NXPH2: variants seen among roughly 807,000 people sequenced by gnomAD.
NXPH2 encodes neurexophilin-2.
A neutral mutation model predicts 19.8 loss-of-function variants in NXPH2; 5 were observed. The observed-to-expected ratio is 0.25, with a 90% CI of 0.13 to 0.53. The LOEUF (loss-of-function observed/expected upper bound fraction) is 0.53. Ranked by LOEUF, NXPH2 falls within the 20% of genes least tolerant of loss-of-function variation. NXPH2 has a pLI of 0.96. For synonymous variants in NXPH2, 154 were observed against 127.4 expected (o/e 1.21, Z -1.41); for missense variants, 289 against 322.8 (o/e 0.90, Z 0.80).
chr2:138,683,912 G>T (rs1224275257), intron 1 of NXPH2, among the ~76,000 whole-genome samples: 1 of 152,142 alleles, frequency 6.6e-6, no homozygotes, highest in Non-Finnish European at 1.5e-5. Context: ...ATTTTTACAA[G>T]ATCCTACATA....
At chr2:138,772,681 G>C (rs1411255985) in intron 1 of NXPH2, among the ~76,000 whole-genome samples, 1 of 152,150 alleles carries the variant, frequency 6.6e-6, no homozygotes, top group Non-Finnish European at 1.5e-5. Context: ...TTGACTTTAT[G>C]GCAAAGCTAA....
At chr2:138,701,422 A>G (rs1680921590) in intron 1 of NXPH2, among the ~76,000 whole-genome samples, 1 of 152,172 alleles carries the variant, frequency 6.6e-6, no homozygotes, top group Non-Finnish European at 1.5e-5. Context: ...AGGAAGGAAG[A>G]AGAAAGCAAG....
chr2:138,720,921 A>G (rs1320112953), intron 1 of NXPH2, among the ~76,000 whole-genome samples: 1 of 152,238 alleles, frequency 6.6e-6, no homozygotes, highest in East Asian at 1.9e-4. Flanking sequence ...TCCAAAATGC[A>G]AAACAGATGG....
intron 1 of NXPH2, among the ~76,000 whole-genome samples, chr2:138,694,000 C>T (rs1425687308): frequency 6.6e-6 from 1 of 152,070 alleles, no homozygotes. Flanking sequence ...CTGGTAGATG[C>T]TCGTGTTAAA....
intron 1 of NXPH2, among the ~76,000 whole-genome samples, chr2:138,754,788 C>T (rs1681881078): frequency 1.3e-5 from 2 of 152,106 alleles, no homozygotes; most frequent in African/African-American, 4.8e-5. Flanking sequence ...ATATTACAGT[C>T]AAGCTACATC....
chr2:138,681,846 G>T (rs1300390264), intron 1 of NXPH2, among the ~76,000 whole-genome samples: 1 of 152,156 alleles, frequency 6.6e-6, no homozygotes, highest in Non-Finnish European at 1.5e-5. Flanking sequence ...GTGGTTTTCT[G>T]AATGGACTTG....
chr2:138,721,763 C>T (rs59078634), intron 1 of NXPH2, among the ~76,000 whole-genome samples: 37,257 of 152,160 alleles, frequency 0.24, 5,265 homozygotes, highest in East Asian at 0.53. Flanking sequence ...TCTTCTCTCT[C>T]GGCAAACCTA....
At chr2:138,672,906 C>T (rs1048987981) in intron 1 of NXPH2, among the ~76,000 whole-genome samples, 12 of 152,140 alleles carry the variant, frequency 7.9e-5, no homozygotes, top group Non-Finnish European at 1.5e-4. Context: ...TTTGATAACA[C>T]GAGGTTATCT....
intron 1 of NXPH2, among the ~76,000 whole-genome samples, chr2:138,727,663 C>T (rs1369910404): frequency 9.4e-5 from 10 of 106,902 alleles, no homozygotes; most frequent in South Asian, 5.8e-4. Flanking sequence ...GTGCGGGGGG[C>T]GGTGAGGCGG....
intron 1 of NXPH2, among the ~76,000 whole-genome samples, chr2:138,716,785 G>T (rs923276044): frequency 2.3e-4 from 35 of 152,192 alleles, no homozygotes; most frequent in African/African-American, 8.2e-4. Context: ...GTTTTGAGGT[G>T]ATGGTTCTAG....
intron 1 of NXPH2, among the ~76,000 whole-genome samples, chr2:138,707,109 A>AAAAAAAAAAAAAAAAAAAAAAAAAT (rs1558918446): frequency 6.7e-6 from 1 of 148,416 alleles, no homozygotes; most frequent in East Asian, 2.0e-4. Flanking sequence ...AAAAAAAAAA[A>AAAAAAAAAAAAAAAAAAAAAAAAAT]AAAGAGCAAG....
At chr2:138,761,502 G>A (rs1260244419) in intron 1 of NXPH2, among the ~76,000 whole-genome samples, 1 of 152,186 alleles carries the variant, frequency 6.6e-6, no homozygotes, top group Non-Finnish European at 1.5e-5. Context: ...TGCATCTGCT[G>A]TGCCTCCTGT....
rs1056635332 is a variant in NXPH2, at chr2:138,670,454, TA to T, written c.*467del. Among the ~76,000 whole-genome samples, 24 of 151,768 alleles carry T rather than the reference TA, an allele frequency of 1.6e-4. No individual in the cohort carries two copies. The highest frequency in any genetic ancestry group is 3.1e-4 in the Non-Finnish European group (21 of 67,942). ...ATGGATGGGGGAAAAGATAGAAATATAAAAAAAAGGGTCCAATGTCAAAAAC... is the reference window on the plus strand; with the variant it reads ...ATGGATGGGGGAAAAGATAGAAATATAAAAAAAGGGTCCAATGTCAAAAAC... On this transcript the variant is annotated 3_prime_UTR_variant, in exon 2 of 2. Transcript: ENST00000272641.
chr2:138,697,723 A>T (rs554336349), intron 1 of NXPH2, among the ~76,000 whole-genome samples: 11 of 151,970 alleles, frequency 7.2e-5, no homozygotes, highest in African/African-American at 2.2e-4. Context: ...AAAATAATGC[A>T]ATATGTTTGA....
rs975638736 is a variant in NXPH2, at chr2:138,741,461, T to C, written c.51+38730A>G. ...TAGAAAAACAGGAAATCATCCTCCA[T>C]GTTTTCCCCCTCATATTTCTTACTA... On this transcript the variant is annotated intron_variant, in intron 1 of 1. Coordinates refer to ENST00000272641, the MANE Select transcript of NXPH2 (RefSeq NM_007226.3). Among the ~76,000 whole-genome samples, 50 of 152,264 alleles carry C rather than the reference T, an allele frequency of 3.3e-4. 1 individual carries two copies. Among genetic ancestry groups the C allele is most frequent in the African/African-American group, 1.1e-3 (46 of 41,578 alleles).
chr2:138,709,752 T>C (rs965022768), intron 1 of NXPH2, among the ~76,000 whole-genome samples: 2 of 152,204 alleles, frequency 1.3e-5, no homozygotes, highest in African/African-American at 2.4e-5. Context: ...TATCATCTAA[T>C]TGGAATCAGT....
At chr2:138,743,221 C>G (rs1336881552) in intron 1 of NXPH2, among the ~76,000 whole-genome samples, 1 of 152,020 alleles carries the variant, frequency 6.6e-6, no homozygotes, top group Non-Finnish European at 1.5e-5. Flanking sequence ...CAAGTTATCT[C>G]TGGAAGTCAC....
intron 1 of NXPH2, among the ~76,000 whole-genome samples, chr2:138,721,012 G>C (rs968868940): frequency 2.0e-5 from 3 of 152,192 alleles, no homozygotes; most frequent in African/African-American, 7.2e-5. Flanking sequence ...GACGCATGCA[G>C]GGCATTATTA....
chr2:138,779,403 G>T (rs1047579372), intron 1 of NXPH2, among the ~76,000 whole-genome samples: 1 of 152,156 alleles, frequency 6.6e-6, no homozygotes, highest in Non-Finnish European at 1.5e-5. Context: ...GAGGAGGAGA[G>T]CGTGGCGCCT....
Sources: gnomAD v4.1 joint callset for allele counts (sites outside exome capture counted in the v4.1 genomes callset) on GRCh38, gnomAD v4.1.1 for gene constraint, MANE v1.5 for transcripts, NCBI Gene and HGNC (gene_info 2026-07-23, HGNC 2026-07-21) for gene names.